The following AADAT variants were observed in gnomAD, a reference collection of about 807,000 sequenced individuals.
AADAT encodes the protein kynurenine/alpha-aminoadipate aminotransferase, mitochondrial.
In AADAT, 25 loss-of-function variants were observed where a neutral mutation model predicts 56.2. That is an observed-to-expected ratio of 0.44 (90% confidence interval 0.32 to 0.62). AADAT has a LOEUF of 0.62. AADAT is among the 20% of genes least tolerant of loss of function. The probability of loss-of-function intolerance (pLI) is 0.04; values close to 1 mark genes in which losing one functional copy is unlikely to be tolerated. For synonymous variants in AADAT, 173 were observed against 164.7 expected, an observed-to-expected ratio of 1.05 and a Z score of -0.39; for missense variants, 387 against 510.5, an observed-to-expected ratio of 0.76 and a Z score of 2.33.
chr4:170,081,247 C>T (rs1001849218), intron 3 of AADAT, among the ~76,000 whole-genome samples: 4 of 151,968 alleles, frequency 2.6e-5, no homozygotes, highest in African/African-American at 9.7e-5. Context: ...TGAAGATTGG[C>T]TACGTGAAAA....
chr4:170,079,991 G>A (rs1289431453), intron 3 of AADAT, among the ~76,000 whole-genome samples: 1 of 152,136 alleles, frequency 6.6e-6, no homozygotes, highest in Non-Finnish European at 1.5e-5. Flanking sequence ...CTGGGTAGAG[G>A]AGGACACTGC....
rs201901211 is a variant in AADAT at position 170,060,978 on chromosome 4, G to GA, written c.1237-10dup. ...GCTAATACCTGGAAGGCCTAAAACA[G>GA]AAAAAAAAAATTAGAATTAATTAAA... On this transcript the variant is annotated splice_polypyrimidine_tract_variant and intron_variant, in intron 12 of 12. Transcript: ENST00000337664. 8,420 of 1,344,464 alleles carry GA rather than the reference G, an allele frequency of 6.3e-3. No individual in the cohort carries two copies. Among genetic ancestry groups the GA allele is most frequent in the South Asian group, 7.3e-3 (485 of 66,404 alleles). 83.3% of individuals were successfully genotyped at this position (1,344,464 alleles called of 1,614,324 possible). A position where few individuals can be genotyped will look rare whatever the true frequency, so the allele number is the denominator to read the frequency against.
At chr4:170,072,039 G>A (rs1197215327) in intron 5 of AADAT, among the ~76,000 whole-genome samples, 1 of 152,116 alleles carries the variant, frequency 6.6e-6, no homozygotes, top group Non-Finnish European at 1.5e-5. Context: ...CAGCAGAAAG[G>A]TGGATACAGA....
At chr4:170,061,071 T>C (rs2111128957) in intron 12 of AADAT, 102 bp from the exon 13 acceptor site, 3 of 791,374 alleles carry the variant, frequency 3.8e-6, no homozygotes, top group East Asian at 6.2e-5. Flanking sequence ...CTGTCTAAGG[T>C]TGAGAGAAGG....
intron 10 of AADAT, 107 bp from the exon 11 acceptor site, chr4:170,064,932 C>A: frequency 1.2e-6 from 1 of 857,056 alleles, no homozygotes; most frequent in Non-Finnish European, 1.7e-6. Context: ...ACTAGTATTC[C>A]TAAAAAAGTT....
upstream of AADAT, chr4:170,090,083 C>T (rs1732761236): frequency 6.7e-6 from 1 of 149,144 alleles, no homozygotes; most frequent in Non-Finnish European, 1.5e-5. Context: ...GCCCTCAGAG[C>T]GCAGGGCGCG....
Position 170,068,644 on chromosome 4 carries a change from T to G in AADAT, c.847A>C (p.Arg283=). 6.2e-7 allele frequency: 1 copy of G among 1,608,652 alleles called. No individual in the cohort carries two copies. Among genetic ancestry groups the G allele is most frequent in the Non-Finnish European group, 8.5e-7 (1 of 1,179,030 alleles). Residue 283 remains arginine (R), a synonymous_variant, in exon 8 of 13, where the codon AGA becomes CGA. Coordinates refer to ENST00000337664, the MANE Select transcript of AADAT (RefSeq NM_016228.4). ...GAAACTTGTATGTGTAAAATAACTC[T>G]CTCTATTAAGGGTTTTGGACCAGTT... The part of the protein sequence containing the change: ...FLTGPKPLIE[R]VILHIQVSTL...
rs1195736523 is a variant in AADAT, at chr4:170,060,340, C to G, written c.*588G>C. ...ATTATAACAATTTTTGCAATAAGCT[C>G]TCATTAAATTTTCCTAAAAGTAGAA... On this transcript the variant is annotated 3_prime_UTR_variant, in exon 13 of 13. Transcript: ENST00000337664. 6.6e-6 allele frequency: 1 copy of G among 152,100 alleles called. No homozygotes were observed. Among genetic ancestry groups the G allele is most frequent in the Non-Finnish European group, 1.5e-5 (1 of 68,030 alleles). The allele number at this position is 152,100 out of a possible 1,614,324, so 9.4% of individuals were successfully genotyped here. A position where few individuals can be genotyped will look rare whatever the true frequency, so the allele number is the denominator to read the frequency against.
chr4:170,085,509 T>A (rs911487097), intron 3 of AADAT, among the ~76,000 whole-genome samples: 4 of 152,188 alleles, frequency 2.6e-5, no homozygotes, highest in Non-Finnish European at 5.9e-5. Context: ...TAAGCATGTC[T>A]GTAAGTAGTA....
chr4:170,086,985 A>G, intron 3 of AADAT, 131 bp downstream of exon 3: 1 of 1,300,200 alleles, frequency 7.7e-7, no homozygotes, highest in Non-Finnish European at 1.1e-6. Flanking sequence ...CCCTGTTTAT[A>G]ATTCTAGGTG....
intron 3 of AADAT, among the ~76,000 whole-genome samples, chr4:170,078,877 G>A (rs893999615): frequency 6.6e-6 from 1 of 152,164 alleles, no homozygotes; most frequent in East Asian, 1.9e-4. Flanking sequence ...GCTGGATTTG[G>A]CTCTCAAACC....
intron 11 of AADAT, among the ~76,000 whole-genome samples, chr4:170,063,633 G>T (rs1046195425): frequency 4.6e-5 from 7 of 152,232 alleles, no homozygotes; most frequent in African/African-American, 1.7e-4. Context: ...CTTTCCCAAG[G>T]TGGTGGAGGT....
chr4:170,088,689 G>A, intron 1 of AADAT, 125 bp from the exon 2 acceptor site: 2 of 991,174 alleles, frequency 2.0e-6, no homozygotes, highest in Non-Finnish European at 3.0e-6. Context: ...GTGTGCTATG[G>A]TCTAAATGTT....
At chr4:170,065,649 C>T (rs371888347) in intron 10 of AADAT, among the ~76,000 whole-genome samples, 7 of 151,892 alleles carry the variant, frequency 4.6e-5, no homozygotes, top group South Asian at 2.1e-4. Context: ...TACAGGTGCC[C>T]GCCATCACGC....
In AADAT at chr4:170,087,094, TGA is replaced by T. The variant is rs774755561; in HGVS notation, c.369+20_369+21del. The stretch of plus-strand genomic sequence containing the variant: ...AATGCTTCCAATTCTACATTTTGGC[TGA>T]GTTTTCCTTTCAGTCTTACCTTACA... On this transcript the variant is annotated intron_variant, in intron 3 of 12. Transcript: ENST00000337664. 2 of 1,612,666 alleles carry T rather than the reference TGA, an allele frequency of 1.2e-6. No homozygotes were observed. The highest frequency in any genetic ancestry group is 1.7e-6 in the Non-Finnish European group (2 of 1,179,728).
intron 9 of AADAT, among the ~76,000 whole-genome samples, chr4:170,066,809 T>C: frequency 6.6e-6 from 1 of 152,188 alleles, no homozygotes; most frequent in Non-Finnish European, 1.5e-5. Flanking sequence ...AAGACAATAC[T>C]ATTGAAATAA....
At chr4:170,088,662 C>T (rs903581384) in intron 1 of AADAT, 98 bp from the exon 2 acceptor site, 7 of 1,259,526 alleles carry the variant, frequency 5.6e-6, no homozygotes, top group African/African-American at 1.5e-5. Flanking sequence ...TAAAGTTTAA[C>T]GATTTCTAGT....
intron 1 of AADAT, 106 bp from the exon 2 acceptor site, chr4:170,088,670 A>G: frequency 8.7e-7 from 1 of 1,152,962 alleles, no homozygotes; most frequent in Non-Finnish European, 1.2e-6. Context: ...AACGATTTCT[A>G]GTGATAGAGT....
upstream of AADAT, among the ~76,000 whole-genome samples, chr4:170,091,416 G>A (rs1289315593): frequency 6.6e-6 from 1 of 152,208 alleles, no homozygotes; most frequent in African/African-American, 2.4e-5. Context: ...AGCAATGCCG[G>A]CTCACCGGCG....
Sources: allele counts gnomAD v4.1 joint callset (sites outside exome capture counted in the v4.1 genomes callset), GRCh38; gene constraint gnomAD v4.1.1; transcripts MANE v1.5; gene names NCBI Gene and HGNC (gene_info 2026-07-23, HGNC 2026-07-21).